The following UBE2D1 variants were observed in gnomAD, a reference collection of about 807,000 sequenced individuals.
UBE2D1 encodes ubiquitin-conjugating enzyme E2 D1.
A neutral mutation model predicts 24.6 loss-of-function variants in UBE2D1; 9 were observed. The ratio of observed to expected loss-of-function variants is 0.37; its 90% CI spans 0.22 to 0.64. The LOEUF is 0.64. Among genes scored for constraint, UBE2D1 ranks in the 30% least tolerant of loss-of-function variants. The probability of loss-of-function intolerance (pLI) is 0.64; values close to 1 mark genes in which losing one functional copy is unlikely to be tolerated. For missense variants in UBE2D1, 87 were observed against 177.1 expected, an observed-to-expected ratio of 0.49 and a Z score of 2.89; for synonymous variants, 57 against 57.6, an observed-to-expected ratio of 0.99 and a Z score of 0.04.
chr10:58,362,211 C>G (rs1381543638), intron 3 of UBE2D1, among the ~76,000 whole-genome samples: 7 of 152,112 alleles, frequency 4.6e-5, no homozygotes, highest in African/African-American at 1.7e-4. Context: ...ACTGACAGCT[C>G]AAATCTACTT....
chr10:58,338,094 A>G (rs1265026861), intron 1 of UBE2D1, among the ~76,000 whole-genome samples: 1 of 151,876 alleles, frequency 6.6e-6, no homozygotes, highest in Non-Finnish European at 1.5e-5. Flanking sequence ...CAATCCACCT[A>G]CCTCGGCCTC....
intron 1 of UBE2D1, among the ~76,000 whole-genome samples, chr10:58,356,826 G>A (rs1840136485): frequency 6.6e-6 from 1 of 152,078 alleles, no homozygotes; most frequent in South Asian, 2.1e-4. Flanking sequence ...TCATTGCTTT[G>A]CTTTTGTAAC....
chr10:58,364,846 C>A lies in UBE2D1; in HGVS notation c.274C>A (p.Gln92Lys). The A allele has an allele frequency of 1.2e-6, 2 of 1,613,586 alleles. No individual in the cohort carries two copies. Among genetic ancestry groups the A allele is most frequent in the Non-Finnish European group, 1.7e-6 (2 of 1,179,680 alleles). ...TATTTGTCTCGATATTCTGAGGTCA[C>A]AATGGTCACCAGCTCTGACTGTATC... ...GSICLDILRS[Q>K]WSPALTVSKV... is the part of the protein sequence containing the mutation. The change falls in exon 5 of 7, where the codon CAA becomes AAA. Residue 92 changes from glutamine to lysine, a missense_variant. Coordinates refer to ENST00000373910, the MANE Select transcript of UBE2D1 (RefSeq NM_003338.5).
At chr10:58,357,240 C>T (rs1189246558) in intron 1 of UBE2D1, among the ~76,000 whole-genome samples, 2 of 152,026 alleles carry the variant, frequency 1.3e-5, no homozygotes, top group Admixed American at 6.6e-5. Flanking sequence ...CTAACATATC[C>T]GTTTGGAATA....
chr10:58,351,061 A>G (rs1015134922), intron 1 of UBE2D1, among the ~76,000 whole-genome samples: 1 of 152,214 alleles, frequency 6.6e-6, no homozygotes, highest in Non-Finnish European at 1.5e-5. Context: ...TAGGGCACTT[A>G]CCATAAATGG....
chr10:58,360,603 G>T (rs1277196986), intron 1 of UBE2D1, among the ~76,000 whole-genome samples: 1 of 152,128 alleles, frequency 6.6e-6, no homozygotes, highest in African/African-American at 2.4e-5. Flanking sequence ...CCTGACTGCT[G>T]CTCGTTTATT....
intron 1 of UBE2D1, among the ~76,000 whole-genome samples, chr10:58,358,302 A>C (rs1840155459): frequency 6.6e-6 from 1 of 152,208 alleles, no homozygotes; most frequent in Admixed American, 6.5e-5. Context: ...ATGAGGGCAA[A>C]GAAGTCCCAT....
At chr10:58,343,738 T>C (rs1839986935) in intron 1 of UBE2D1, among the ~76,000 whole-genome samples, 2 of 152,114 alleles carry the variant, frequency 1.3e-5, no homozygotes, top group African/African-American at 4.8e-5. Flanking sequence ...TCAAGAATAA[T>C]ACTGGATGAT....
chr10:58,357,773 A>G (rs1840148606), intron 1 of UBE2D1, among the ~76,000 whole-genome samples: 1 of 152,178 alleles, frequency 6.6e-6, no homozygotes, highest in African/African-American at 2.4e-5. Context: ...CCTCCTAAAA[A>G]GTGTAGGTTA....
intron 3 of UBE2D1, 80 bp from the exon 4 acceptor site, chr10:58,363,529 A>T (rs1279004042): frequency 1.0e-6 from 1 of 1,004,920 alleles, no homozygotes; most frequent in Non-Finnish European, 1.4e-6. Flanking sequence ...TTTCAAACTG[A>T]TAATATTTGG....
intron 1 of UBE2D1, among the ~76,000 whole-genome samples, chr10:58,358,870 C>A (rs1182933035): frequency 1.3e-5 from 2 of 151,656 alleles, no homozygotes; most frequent in African/African-American, 4.8e-5. Flanking sequence ...AGGCGACCCT[C>A]CTGCCTCAGC....
chr10:58,354,969 TAG>T (rs1304316321), intron 1 of UBE2D1, among the ~76,000 whole-genome samples: 13 of 152,186 alleles, frequency 8.5e-5, no homozygotes, highest in African/African-American at 3.1e-4. Context: ...AACAAAAAAG[TAG>T]AGTGGCATTG....
At chr10:58,350,007 T>C (rs1473756498) in intron 1 of UBE2D1, among the ~76,000 whole-genome samples, 1 of 152,226 alleles carries the variant, frequency 6.6e-6, no homozygotes, top group East Asian at 1.9e-4. Context: ...TGCATGAATA[T>C]GCTTCGAGTT....
At chr10:58,349,587 A>C (rs1840051013) in intron 1 of UBE2D1, among the ~76,000 whole-genome samples, 1 of 152,192 alleles carries the variant, frequency 6.6e-6, no homozygotes, top group Admixed American at 6.5e-5. Flanking sequence ...CCATTATATG[A>C]ATTCTATAGA....
At chr10:58,341,065 C>T (rs1057439066) in intron 1 of UBE2D1, among the ~76,000 whole-genome samples, 3 of 152,312 alleles carry the variant, frequency 2.0e-5, no homozygotes, top group Admixed American at 6.5e-5. Flanking sequence ...ATGCTGAGAT[C>T]GTTTAACATT....
intron 1 of UBE2D1, among the ~76,000 whole-genome samples, chr10:58,347,864 G>A (rs112375844): frequency 0.082 from 12,467 of 152,070 alleles, 673 homozygotes; most frequent in Non-Finnish European, 0.13. Context: ...GGCCAGGCTG[G>A]TCTCGAACTC....
chr10:58,356,104 A>G (rs1840128640), intron 1 of UBE2D1, among the ~76,000 whole-genome samples: 1 of 152,072 alleles, frequency 6.6e-6, no homozygotes. Flanking sequence ...CCATTCTCTC[A>G]GAGTGGGATA....
At chr10:58,360,071 A>C (rs1840177488) in intron 1 of UBE2D1, among the ~76,000 whole-genome samples, 1 of 152,004 alleles carries the variant, frequency 6.6e-6, no homozygotes, top group Non-Finnish European at 1.5e-5. Context: ...CCCCCTACCT[A>C]ATGCATTTGG....
intron 1 of UBE2D1, among the ~76,000 whole-genome samples, chr10:58,346,293 T>C (rs1431239112): frequency 6.6e-6 from 1 of 152,180 alleles, no homozygotes; most frequent in Non-Finnish European, 1.5e-5. Flanking sequence ...ATTACAGGCG[T>C]GAGCCACCAT....
Sources: allele counts gnomAD v4.1 joint callset (sites outside exome capture counted in the v4.1 genomes callset), GRCh38; gene constraint gnomAD v4.1.1; transcripts MANE v1.5; gene names NCBI Gene and HGNC (gene_info 2026-07-23, HGNC 2026-07-21).